The following SPRYD3 variants were observed in gnomAD, a reference collection of about 807,000 sequenced individuals.
SPRYD3 encodes the protein SPRY domain-containing protein 3.
SPRYD3 carries 17 observed loss-of-function variants against 50.1 expected under a neutral mutation model. That is an observed-to-expected ratio of 0.34 (90% CI 0.23 to 0.51). The LOEUF is 0.51. Ranked by LOEUF, SPRYD3 falls within the 20% of genes least tolerant of loss-of-function variation. The pLI, the probability that SPRYD3 is intolerant of heterozygous loss-of-function variation, is 0.97. For missense variants in SPRYD3, 401 were observed against 591.2 expected (o/e 0.68, Z 3.34); for synonymous variants, 198 against 215.5 (o/e 0.92, Z 0.71).
intron 10 of SPRYD3, among the ~76,000 whole-genome samples, 157 bp from the exon 11 acceptor site, chr12:53,066,123 T>C (rs955150133): frequency 2.0e-5 from 3 of 152,066 alleles, no homozygotes; most frequent in Non-Finnish European, 4.4e-5. Context: ...CCAGAGGGCG[T>C]GCTGAGGCCG....
chr12:53,066,153 C>G (rs1293318679), intron 10 of SPRYD3, among the ~76,000 whole-genome samples, 161 bp downstream of exon 10: 3 of 152,164 alleles, frequency 2.0e-5, no homozygotes, highest in Admixed American at 2.0e-4. Flanking sequence ...CTCCCAAGAC[C>G]GTCTCCCGAT....
Position 53,066,596 on chromosome 12 carries a change from C to A in SPRYD3, c.998G>T (p.Arg333Leu), listed in dbSNP as rs531924180. 4 of 1,613,964 alleles carry A rather than the reference C, an allele frequency of 2.5e-6. No homozygotes were observed. Among genetic ancestry groups the A allele is most frequent in the Non-Finnish European group, 3.4e-6 (4 of 1,179,950 alleles). The change falls in exon 9 of 11, where the codon CGG (arginine) becomes CTG (leucine). Residue 333 changes from arginine to leucine, a missense_variant. By Grantham distance (102) the Arg-to-Leu change is moderately radical. Transcript: ENST00000301463. ...DIMGCGIMFP[R>L]DYILDSEGDS... ...ACCCTCACTGTCCAAAATGTAGTCC[C>A]GGGGGAACATGATTCCACAGCCCAT...
At chr12:53,066,934 G>A (rs1046850268) in intron 8 of SPRYD3, among the ~76,000 whole-genome samples, 12 of 152,074 alleles carry the variant, frequency 7.9e-5, no homozygotes, top group African/African-American at 2.2e-4. Context: ...CCAGCATGGC[G>A]AAACATCTCT....
chr12:53,066,161 G>A (rs568603937), intron 10 of SPRYD3, among the ~76,000 whole-genome samples, 153 bp downstream of exon 10: 33 of 152,280 alleles, frequency 2.2e-4, no homozygotes, highest in Admixed American at 5.2e-4. Context: ...ACCGTCTCCC[G>A]ATCTCAGCAA....
chr12:53,074,632 CACT>C lies in SPRYD3; in HGVS notation c.507+14_507+16del. 1.2e-6 allele frequency: 2 copies of C among 1,614,202 alleles called. No homozygotes were observed. Among genetic ancestry groups the C allele is most frequent in the Non-Finnish European group, 1.7e-6 (2 of 1,180,014 alleles). The stretch of plus-strand genomic sequence containing the variant: ...CAGATTTCAGCCACGTAAATCCCAC[CACT>C]ATTTCCCACTCACCCGCTTCCCATT... On this transcript the variant is annotated intron_variant, in intron 5 of 10. Transcript: ENST00000301463. The surrounding 1 kb of genome is among the most constrained non-coding windows in gnomAD (Gnocchi z 4.6).
chr12:53,073,410 G>T lies in SPRYD3; in HGVS notation c.569C>A (p.Ser190Tyr). The T allele has an allele frequency of 6.3e-7, 1 of 1,577,990 alleles. No homozygotes were observed. Among genetic ancestry groups the T allele is most frequent in the East Asian group, 2.3e-5 (1 of 43,568 alleles). ...GTGCAGCCGCACCTCCTCACCCAGG[G>T]AGTGCATGCCCACTGCTGGGAACAG... is the stretch of plus-strand genomic sequence containing the variant. ...DGLFPAVGMH[S>Y]LGEEVRLHLN... is the part of the protein sequence containing the mutation. The change falls in exon 6 of 11, where the codon TCC becomes TAC. Residue 190 changes from serine (S) to tyrosine (Y), a missense_variant. Ser to Tyr is a moderately radical substitution (Grantham distance 144). Coordinates refer to ENST00000301463, the MANE Select transcript of SPRYD3 (RefSeq NM_032840.3).
intron 7 of SPRYD3, among the ~76,000 whole-genome samples, 167 bp downstream of exon 7, chr12:53,067,988 G>A (rs1391999977): frequency 6.6e-6 from 1 of 152,154 alleles, no homozygotes. Flanking sequence ...CACATGGGGT[G>A]TGTACTCTTA....
Position 53,077,216 on chromosome 12 carries a change from C to G in SPRYD3, c.69G>C (p.Arg23=). The G allele has an allele frequency of 6.2e-7, 1 of 1,614,184 alleles. No homozygotes were observed. Among genetic ancestry groups the G allele is most frequent in the Non-Finnish European group, 8.5e-7 (1 of 1,180,030 alleles). ...GGATCCGCCGGCGCCAATTCAGAAA[C>G]CGGTAGTGCAGGTTGAGGTCATCCA... is the stretch of plus-strand genomic sequence containing the variant. The part of the protein sequence containing the change: ...NKMDDLNLHY[R]FLNWRRRIRE... The change falls in exon 2 of 11, where the codon CGG becomes CGC. Residue 23 remains arginine (R), a synonymous_variant. Coordinates refer to ENST00000301463, the MANE Select transcript of SPRYD3 (RefSeq NM_032840.3).
rs1314578433 is a variant in SPRYD3 at position 53,065,192 on chromosome 12, A to T, written c.*640T>A. Reference sequence around the variant, plus strand: ...GGCACCCACCCATGTGGGTCCAGGTATGGGGAGCCAGAGACCTAGATCCTC... The same window carrying T: ...GGCACCCACCCATGTGGGTCCAGGTTTGGGGAGCCAGAGACCTAGATCCTC... On this transcript the variant is annotated 3_prime_UTR_variant, in exon 11 of 11. Transcript: ENST00000301463. 1 of 152,484 alleles carries T rather than the reference A, an allele frequency of 6.6e-6. No individual in the cohort carries two copies. Among genetic ancestry groups the T allele is most frequent in the Non-Finnish European group, 1.5e-5 (1 of 68,124 alleles). 9.4% of individuals were successfully genotyped at this position (152,484 alleles called of 1,614,324 possible).
chr12:53,068,413 T>C, intron 6 of SPRYD3, 109 bp from the exon 7 acceptor site: 16 of 1,300,986 alleles, frequency 1.2e-5, no homozygotes, highest in Non-Finnish European at 2.1e-6. Context: ...CAAAAACTCC[T>C]GGCTGAAAGG....
chr12:53,078,454 A>C (rs182989071), intron 1 of SPRYD3, among the ~76,000 whole-genome samples: 11 of 147,574 alleles, frequency 7.5e-5, no homozygotes, highest in Non-Finnish European at 1.5e-4. Context: ...GTCCCACTGC[A>C]CTCCAGCCTG....
chr12:53,068,114 G>T, intron 7 of SPRYD3, 41 bp downstream of exon 7: 1 of 1,612,770 alleles, frequency 6.2e-7, no homozygotes, highest in Non-Finnish European at 8.5e-7. Context: ...CCCCAGACCT[G>T]AGCAGCTCCA....
At chr12:53,073,256 G>GCCCCCGGGGGGGGGGGCCCCCCCCCCC in intron 6 of SPRYD3, 30 bp downstream of exon 6, 2 of 424,134 alleles carry the variant, frequency 4.7e-6, no homozygotes, top group African/African-American at 2.2e-5. Context: ...CTCCGACCCA[G>GCCCCCGGGGGGGGGGGCCCCCCCCCCC]CCCCTCCCAC....
chr12:53,070,226 G>A (rs1025647179), intron 6 of SPRYD3, among the ~76,000 whole-genome samples: 1 of 152,082 alleles, frequency 6.6e-6, no homozygotes, highest in African/African-American at 2.4e-5. Flanking sequence ...CTTCAGAGGG[G>A]ACCGCCCAGC....
At position 53,074,245 on chromosome 12, in the gene SPRYD3, C is replaced by T. The variant is rs1944572552; in HGVS notation, c.507+404G>A. Among the ~76,000 whole-genome samples, 1 of 152,184 alleles carries T rather than the reference C, an allele frequency of 6.6e-6. No individual in the cohort carries two copies. Among genetic ancestry groups the T allele is most frequent in the Admixed American group, 6.5e-5 (1 of 15,280 alleles). The stretch of plus-strand genomic sequence containing the variant: ...TGAAAGAGACGTGAAACAAGGAAAA[C>T]AGGACACAGAAAGGACATATCCCCA... On this transcript the variant is annotated intron_variant, in intron 5 of 10. Coordinates refer to ENST00000301463, the MANE Select transcript of SPRYD3 (RefSeq NM_032840.3). This position sits in a 1 kb window ranked among gnomAD's most constrained non-coding sequence, Gnocchi z 4.6.
intron 2 of SPRYD3, 52 bp downstream of exon 2, chr12:53,077,063 C>G (rs1413672608): frequency 1.9e-6 from 3 of 1,572,808 alleles, no homozygotes; most frequent in Non-Finnish European, 2.6e-6. Context: ...ACCCTTTCCT[C>G]TCTAAGATCT....
In SPRYD3 at chr12:53,067,691, G is replaced by A. The variant is rs754280831; in HGVS notation, c.858C>T (p.Asn286=). ...LGLARKDYPK[N]RHPGWSRGSV... ...ACCCTCTGCTCCAGCCAGGGTGCCTGTTCTTGGGATAGTCCTGCACCAAGA... is the reference window on the plus strand; with the variant it reads ...ACCCTCTGCTCCAGCCAGGGTGCCTATTCTTGGGATAGTCCTGCACCAAGA... Residue 286 remains asparagine, a synonymous_variant, in exon 8 of 11, where the codon AAC becomes AAT. Coordinates refer to ENST00000301463, the MANE Select transcript of SPRYD3 (RefSeq NM_032840.3). The A allele has an allele frequency of 2.5e-6, 4 of 1,613,918 alleles. No homozygotes were observed. The highest frequency in any genetic ancestry group is 1.1e-5 in the South Asian group (1 of 91,086).
Position 53,065,617 on chromosome 12 carries a change from C to A in SPRYD3, c.*215G>T, listed in dbSNP as rs1388408710. 1 of 548,756 alleles carries A rather than the reference C, an allele frequency of 1.8e-6. No individual in the cohort carries two copies. Among genetic ancestry groups the A allele is most frequent in the East Asian group, 2.9e-5 (1 of 34,722 alleles). 34.0% of individuals were successfully genotyped at this position (548,756 alleles called of 1,614,324 possible). A position where few individuals can be genotyped will look rare whatever the true frequency, so the allele number is the denominator to read the frequency against. ...ATTCTTTGGGTCCATTCCTGTCCAA[C>A]CAGGGACTCAGGCCCAGGGACTGAC... On this transcript the variant is annotated 3_prime_UTR_variant, in exon 11 of 11. Coordinates refer to ENST00000301463, the MANE Select transcript of SPRYD3 (RefSeq NM_032840.3).
intron 8 of SPRYD3, 62 bp downstream of exon 8, chr12:53,067,586 G>T (rs1944518913): frequency 6.6e-7 from 1 of 1,511,600 alleles, no homozygotes; most frequent in Admixed American, 1.7e-5. Flanking sequence ...AGGGGAAAGT[G>T]GATGTCCCTA....
Sources: allele counts gnomAD v4.1 joint callset (sites outside exome capture counted in the v4.1 genomes callset), GRCh38; gene constraint gnomAD v4.1.1; non-coding constraint Gnocchi (gnomAD v3.1); transcripts MANE v1.5; gene names NCBI Gene and HGNC (gene_info 2026-07-23, HGNC 2026-07-21).